SLC41A3: variants seen among roughly 807,000 people sequenced by gnomAD.
SLC41A3 encodes solute carrier family 41 member 3.
Under a neutral mutation model 45.4 loss-of-function variants are expected in SLC41A3, and 44 were observed. The ratio of observed to expected loss-of-function variants is 0.97; its 90% CI spans 0.76 to 1.25. SLC41A3 has a LOEUF of 1.25. Ranked by LOEUF, SLC41A3 falls within the 50% of genes most tolerant of loss-of-function variation. The pLI is 0.00. For missense variants in SLC41A3, 550 were observed against 600.6 expected (o/e 0.92, Z 0.88); for synonymous variants, 256 against 252.4 (o/e 1.01, Z -0.13).
chr3:126,053,213 G>A (rs1943453105), intron 2 of SLC41A3, among the ~76,000 whole-genome samples: 1 of 152,188 alleles, frequency 6.6e-6, no homozygotes. Flanking sequence ...TTGAAATGCA[G>A]TCATGAGGGT....
chr3:126,090,379 A>G (rs1398969441), intron 1 of SLC41A3, among the ~76,000 whole-genome samples: 2 of 152,198 alleles, frequency 1.3e-5, no homozygotes, highest in African/African-American at 2.4e-5. Context: ...ATTTCTCTTT[A>G]GTAGAAAAGA....
chr3:126,043,695 T>C (rs532098471), intron 3 of SLC41A3, among the ~76,000 whole-genome samples: 342 of 151,970 alleles, frequency 2.3e-3, no homozygotes, highest in Non-Finnish European at 3.9e-3. Flanking sequence ...TTAAGGTAAA[T>C]TGTAATAACT....
chr3:126,046,973 A>AAAAAG (rs1559853616), intron 3 of SLC41A3, among the ~76,000 whole-genome samples: 2 of 151,658 alleles, frequency 1.3e-5, no homozygotes, highest in African/African-American at 2.4e-5. Context: ...AAAAAAAAAA[A>AAAAAG]AAAAGAAAAG....
chr3:126,096,054 G>A (rs1945593230), intron 1 of SLC41A3, among the ~76,000 whole-genome samples: 1 of 152,058 alleles, frequency 6.6e-6, no homozygotes, highest in African/African-American at 2.4e-5. Flanking sequence ...CATCTAGAAG[G>A]ACACTCTACA....
upstream of SLC41A3, among the ~76,000 whole-genome samples, chr3:126,087,000 A>C (rs900402696): frequency 3.3e-5 from 5 of 152,312 alleles, no homozygotes; most frequent in African/African-American, 7.2e-5. Flanking sequence ...CTTTAAAATC[A>C]TTGGTAAAAA....
In SLC41A3 at chr3:126,006,751, GTGTGCACACTTGCACGCTCATTAAGCA is replaced by G. The variant is rs1939144912; in HGVS notation, c.*238_*264del. The G allele has an allele frequency of 1.4e-6, 2 of 1,444,120 alleles. No individual in the cohort carries two copies. The highest frequency in any genetic ancestry group is 1.8e-6 in the Non-Finnish European group (2 of 1,103,944). The allele number at this position is 1,444,120 out of a possible 1,614,324, so 89.5% of individuals were successfully genotyped here. On this transcript the variant is annotated 3_prime_UTR_variant, in exon 11 of 11. Coordinates refer to ENST00000360370, the MANE Select transcript of SLC41A3 (RefSeq NM_017836.4). ...CCAGAACACCCTCCTCTCCACAAAC[GTGTGCACACTTGCACGCTCATTAAGCA>G]TGTGCACACATCATATTCACACACT...
chr3:126,046,853 T>G (rs1297619056), intron 3 of SLC41A3, among the ~76,000 whole-genome samples: 1 of 151,656 alleles, frequency 6.6e-6, no homozygotes, highest in East Asian at 1.9e-4. Context: ...TCCCAGCTAC[T>G]TGGGAGGCTG....
chr3:126,016,919 C>A (rs1940355248), intron 6 of SLC41A3, 44 bp from the exon 7 acceptor site: 1 of 1,599,016 alleles, frequency 6.3e-7, no homozygotes, highest in South Asian at 1.1e-5. Context: ...TGGCCAAGGC[C>A]AGCACACACA....
In SLC41A3 at chr3:126,050,914, C is replaced by T. The variant is rs4077563; in HGVS notation, c.381+29G>A. Reference sequence around the variant, plus strand: ...GGGACGCGCCTGCCTCACGTTGTGGCCGCCTCGAATGTCCAGGTGTCCACT... The same window carrying T: ...GGGACGCGCCTGCCTCACGTTGTGGTCGCCTCGAATGTCCAGGTGTCCACT... On this transcript the variant is annotated intron_variant, in intron 3 of 10. Transcript: ENST00000360370. The T allele has an allele frequency of 0.36, 567,291 of 1,591,836 alleles. 103,567 individuals carry two copies. Among genetic ancestry groups the T allele is most frequent in the Admixed American group, 0.53 (30,404 of 57,634 alleles).
At chr3:126,052,995 C>T (rs1943438785) in intron 2 of SLC41A3, among the ~76,000 whole-genome samples, 1 of 152,170 alleles carries the variant, frequency 6.6e-6, no homozygotes, top group African/African-American at 2.4e-5. Flanking sequence ...ATAGTGGTCC[C>T]ATCCTCCTTG....
chr3:126,015,623 T>C (rs757593832), intron 7 of SLC41A3, 50 bp from the exon 8 acceptor site: 1 of 1,556,498 alleles, frequency 6.4e-7, no homozygotes. Context: ...ACACTTACAG[T>C]GGCCCTGCAA....
chr3:126,058,609 T>C (rs1329627644), intron 2 of SLC41A3, among the ~76,000 whole-genome samples: 5 of 152,204 alleles, frequency 3.3e-5, no homozygotes, highest in Non-Finnish European at 5.9e-5. Context: ...CACGGCCCTT[T>C]GTCCCTCTAA....
intron 8 of SLC41A3, 102 bp downstream of exon 8, chr3:126,015,392 G>A (rs1336682382): frequency 1.7e-6 from 2 of 1,167,812 alleles, no homozygotes; most frequent in East Asian, 2.4e-5. Context: ...AACTGCCTGT[G>A]CGGGGCTGGT....
At chr3:126,012,264 A>C (rs1939790904) in intron 9 of SLC41A3, among the ~76,000 whole-genome samples, 1 of 152,046 alleles carries the variant, frequency 6.6e-6, no homozygotes, top group African/African-American at 2.4e-5. Context: ...ATTCTTTTTC[A>C]CTGCACTCTG....
In SLC41A3 at chr3:126,022,825, T is replaced by C; in HGVS notation, c.706A>G (p.Ile236Val). The change falls in exon 6 of 11, where the codon ATT becomes GTT. Residue 236 changes from isoleucine to valine, a missense_variant. Ile to Val is a conservative substitution (Grantham distance 29). Transcript: ENST00000360370. Reference sequence around the variant, plus strand: ...AAGAAGCTGCTAACCAAAGCCAGAATGGACAGTGTGATGAGGTCTCCCAGG... The same window carrying C: ...AAGAAGCTGCTAACCAAAGCCAGAACGGACAGTGTGATGAGGTCTCCCAGG... ...ASLGDLITLS[I>V]LALVSSFFYR... 2 of 1,614,188 alleles carry C rather than the reference T, an allele frequency of 1.2e-6. No homozygotes were observed. Among genetic ancestry groups the C allele is most frequent in the Non-Finnish European group, 1.7e-6 (2 of 1,180,032 alleles).
At chr3:126,068,548 A>C (rs530851802) in intron 1 of SLC41A3, among the ~76,000 whole-genome samples, 3 of 152,210 alleles carry the variant, frequency 2.0e-5, no homozygotes, top group Non-Finnish European at 4.4e-5. Flanking sequence ...AACCCAGCAA[A>C]AACTGTCAAA....
At chr3:126,094,055 C>T (rs1023166709) in intron 1 of SLC41A3, among the ~76,000 whole-genome samples, 9 of 152,200 alleles carry the variant, frequency 5.9e-5, no homozygotes, top group Admixed American at 2.0e-4. Flanking sequence ...TGGGACCATT[C>T]AACCAATTAT....
chr3:126,085,186 A>G (rs1333538782), upstream of SLC41A3, among the ~76,000 whole-genome samples: 1 of 152,118 alleles, frequency 6.6e-6, no homozygotes, highest in African/African-American at 2.4e-5. Flanking sequence ...GGATCAAACA[A>G]ATTTATTTCT....
Position 126,016,781 on chromosome 3 carries a change from C to G in SLC41A3, c.840G>C (p.Lys280Asn). The G allele has an allele frequency of 6.2e-7, 1 of 1,612,906 alleles. No homozygotes were observed. Among genetic ancestry groups the G allele is most frequent in the Non-Finnish European group, 8.5e-7 (1 of 1,179,640 alleles). ...LIAKQSPPIV[K>N]ILKFGWFPII... ...TTGGGAACCAGCCAAACTTCAGGATCTTCACGATGGGTGGGCTCTGCTTGG... is the reference window on the plus strand; with the variant it reads ...TTGGGAACCAGCCAAACTTCAGGATGTTCACGATGGGTGGGCTCTGCTTGG... The change falls in exon 7 of 11, where the codon AAG becomes AAC. Residue 280 changes from lysine to asparagine, a missense_variant. Coordinates refer to ENST00000360370, the MANE Select transcript of SLC41A3 (RefSeq NM_017836.4).
Sources: gnomAD v4.1 joint callset for allele counts (sites outside exome capture counted in the v4.1 genomes callset) on GRCh38, gnomAD v4.1.1 for gene constraint, MANE v1.5 for transcripts, NCBI Gene and HGNC (gene_info 2026-07-23, HGNC 2026-07-21) for gene names.